Variants in ERCC6 observed in about 807,000 individuals in gnomAD.
The protein encoded by ERCC6 is DNA excision repair protein ERCC-6.
In ERCC6, 116 loss-of-function variants were observed where a neutral mutation model predicts 158.7. The observed-to-expected ratio is 0.73, with a 90% CI of 0.63 to 0.85. ERCC6 has a LOEUF of 0.85. ERCC6 is among the 40% of genes least tolerant of loss of function. ERCC6 has a pLI of 0.00. For missense variants in ERCC6, 1,698 were observed against 1,799.4 expected, an observed-to-expected ratio of 0.94 and a Z score of 1.02; for synonymous variants, 678 against 659.3, an observed-to-expected ratio of 1.03 and a Z score of -0.43.
intron 5 of ERCC6, among the ~76,000 whole-genome samples, chr10:49,518,267 G>A (rs1210388848): frequency 6.6e-6 from 1 of 152,222 alleles, no homozygotes; most frequent in Non-Finnish European, 1.5e-5. Context: ...CCCATCAAGT[G>A]GAGGGAGAAA....
At chr10:49,459,958 C>A in intron 20 of ERCC6, 1 of 277,048 alleles carries the variant, frequency 3.6e-6, no homozygotes, top group South Asian at 4.2e-5. Context: ...GCAGGGCATT[C>A]TTGAGCAGAG....
chr10:49,473,682 G>T (rs1277448192), intron 13 of ERCC6, 95 bp from the exon 14 acceptor site: 1 of 804,824 alleles, frequency 1.2e-6, no homozygotes, highest in Admixed American at 1.7e-5. Flanking sequence ...TTCCCCAACA[G>T]GCCTATGTTA....
intron 18 of ERCC6, among the ~76,000 whole-genome samples, chr10:49,468,874 G>A (rs1850722995): frequency 6.6e-6 from 1 of 152,086 alleles, no homozygotes; most frequent in South Asian, 2.1e-4. Context: ...AAGAATGGTG[G>A]GGACATACCA....
intron 6 of ERCC6, chr10:49,502,149 A>T (rs1851367037): frequency 6.6e-6 from 1 of 152,158 alleles, no homozygotes; most frequent in South Asian, 2.1e-4. Context: ...AACTGGTTTT[A>T]TTTAATCTCC....
rs766460731 is a variant in ERCC6 at position 49,474,033 on chromosome 10, T to C, written c.2592A>G (p.Ser864=). ...QGQRVLLFSQ[S]RQMLDILEVF... Reference sequence around the variant, plus strand: ...CTGAAGTCTGTGCACTCACCTGCCTTGACTGAGAAAACAGCAATACTCGCT... The same window carrying C: ...CTGAAGTCTGTGCACTCACCTGCCTCGACTGAGAAAACAGCAATACTCGCT... Residue 864 remains serine (S), a synonymous_variant, in exon 13 of 21, where the codon TCA becomes TCG. Coordinates refer to ENST00000355832, the MANE Select transcript of ERCC6 (RefSeq NM_000124.4). The C allele has an allele frequency of 6.2e-7, 1 of 1,613,924 alleles. No individual in the cohort carries two copies. The highest frequency in any genetic ancestry group is 1.7e-5 in the Admixed American group (1 of 60,024).
chr10:49,524,176 T>A lies in ERCC6; in HGVS notation c.1254A>T (p.Pro418=), dbSNP rs1590474153. The A allele has an allele frequency of 9.3e-6, 15 of 1,614,198 alleles. No homozygotes were observed. Among genetic ancestry groups the A allele is most frequent in the Non-Finnish European group, 1.3e-5 (15 of 1,180,034 alleles). The change falls in exon 5 of 21, where the codon CCA becomes CCT. Residue 418 remains proline (P), a synonymous_variant. Transcript: ENST00000355832. ...AAAAGTCATCATCAATCTCCTGCAC[T>A]GGCACTTTCTTCTGCCGTTTCCCGC... ...PKGGKRQKKV[P]VQEIDDDFFP...
intron 4 of ERCC6, among the ~76,000 whole-genome samples, chr10:49,527,304 A>G (rs1837363047): frequency 6.6e-6 from 1 of 152,226 alleles, no homozygotes; most frequent in African/African-American, 2.4e-5. Context: ...ATCTGTTATC[A>G]ATGAGAAACA....
intron 10 of ERCC6, 50 bp downstream of exon 10, chr10:49,482,637 A>G (rs767287936): frequency 2.6e-6 from 4 of 1,518,240 alleles, no homozygotes; most frequent in Non-Finnish European, 3.6e-6. Flanking sequence ...ATTTAATAGG[A>G]GCACTTTAAA....
chr10:49,499,264 T>A (rs1851316289), intron 7 of ERCC6, among the ~76,000 whole-genome samples: 1 of 152,208 alleles, frequency 6.6e-6, no homozygotes, highest in Non-Finnish European at 1.5e-5. Flanking sequence ...CCTTCCTACA[T>A]CTATATAAAT....
At chr10:49,503,176 T>C (rs893266663) in intron 6 of ERCC6, 2 of 151,420 alleles carry the variant, frequency 1.3e-5, no homozygotes, top group African/African-American at 4.9e-5. Flanking sequence ...GTAGGGAGAG[T>C]GCGGAAAGGA....
rs770556238 is a variant in ERCC6 at position 49,478,416 on chromosome 10, G to A, written c.2224C>T (p.Leu742=). ...CVLRDTINPY[L]LRRMKSDVKM... is the part of the protein sequence containing the mutation. ...ACATCTGACTTCATTCTCCGCAGTA[G>A]GTATGGATTTATGGTATCTCGTAAG... Residue 742 remains leucine (L), a synonymous_variant, in exon 11 of 21, where the codon CTA becomes TTA. Transcript: ENST00000355832. 2 of 1,613,888 alleles carry A rather than the reference G, an allele frequency of 1.2e-6. No individual in the cohort carries two copies. Among genetic ancestry groups the A allele is most frequent in the African/African-American group, 2.7e-5 (2 of 74,868 alleles).
chr10:49,498,652 A>G (rs1328864796), intron 7 of ERCC6, among the ~76,000 whole-genome samples: 1 of 152,172 alleles, frequency 6.6e-6, no homozygotes, highest in Non-Finnish European at 1.5e-5. Context: ...CATTATAGAG[A>G]AGAGGATATG....
At chr10:49,451,177 G>GC (rs1554872628), downstream of ERCC6, among the ~76,000 whole-genome samples, 18 of 130,148 alleles carry the variant, frequency 1.4e-4, no homozygotes, top group Admixed American at 4.0e-4. Flanking sequence ...AGTTTCAATA[G>GC]TTTTTTTTTT....
intron 8 of ERCC6, among the ~76,000 whole-genome samples, chr10:49,491,137 T>C (rs1851167668): frequency 6.6e-6 from 1 of 152,220 alleles, no homozygotes; most frequent in Non-Finnish European, 1.5e-5. Context: ...CTTAGAAATG[T>C]CAATAGTAAG....
At chr10:49,512,035 T>C (rs567385629) in intron 5 of ERCC6, among the ~76,000 whole-genome samples, 1 of 152,312 alleles carries the variant, frequency 6.6e-6, no homozygotes, top group South Asian at 2.1e-4. Flanking sequence ...GCTATAACAG[T>C]TGGCAGATTA....
At position 49,524,326 on chromosome 10, in the gene ERCC6, C is replaced by T; in HGVS notation, c.1104G>A (p.Glu368=). Reference sequence around the variant, plus strand: ...TGGGGAAATACTCAGACTCTTCACCCTCAGAGTCTCCCTCTGCCTCTGGCC... The same window carrying T: ...TGGGGAAATACTCAGACTCTTCACCTTCAGAGTCTCCCTCTGCCTCTGGCC... ...DMRPEAEGDS[E]GEESEYFPTE... Residue 368 remains glutamate (E), a synonymous_variant, in exon 5 of 21, where the codon GAG becomes GAA. Coordinates refer to ENST00000355832, the MANE Select transcript of ERCC6 (RefSeq NM_000124.4). The T allele has an allele frequency of 1.9e-6, 3 of 1,614,146 alleles. No homozygotes were observed. The South Asian group carries it at 3.3e-5, about 18-fold the overall frequency.
chr10:49,497,338 G>T (rs914951786), intron 7 of ERCC6, among the ~76,000 whole-genome samples: 1 of 152,212 alleles, frequency 6.6e-6, no homozygotes, highest in Admixed American at 6.5e-5. Flanking sequence ...CCAATCAAAA[G>T]CTGTCTAAAA....
intron 3 of ERCC6, among the ~76,000 whole-genome samples, chr10:49,529,611 G>A (rs550210693): frequency 6.6e-6 from 1 of 152,274 alleles, no homozygotes; most frequent in African/African-American, 2.4e-5. Context: ...GAGAAGATGG[G>A]GTAGTGCAGG....
At chr10:49,526,258 T>A (rs376674618) in intron 4 of ERCC6, among the ~76,000 whole-genome samples, 1 of 151,016 alleles carries the variant, frequency 6.6e-6, no homozygotes, top group South Asian at 2.1e-4. Flanking sequence ...AACTGGTGTA[T>A]ATTCTTGCCA....
Sources: allele counts gnomAD v4.1 joint callset (sites outside exome capture counted in the v4.1 genomes callset), GRCh38; gene constraint gnomAD v4.1.1; transcripts MANE v1.5; gene names NCBI Gene and HGNC (gene_info 2026-07-23, HGNC 2026-07-21).